ATP6V1C2: variants seen among roughly 807,000 people sequenced by gnomAD.
ATP6V1C2 encodes the protein ATPase H+ transporting V1 subunit C2, also known as V-type proton ATPase subunit C 2.
ATP6V1C2 carries 45 observed loss-of-function variants against 56.8 expected under a neutral mutation model. The observed-to-expected ratio is 0.79, with a 90% confidence interval of 0.62 to 1.02. The LOEUF (loss-of-function observed/expected upper bound fraction) is 1.02. Ranked by LOEUF, ATP6V1C2 falls within the 50% of genes least tolerant of loss-of-function variation. ATP6V1C2 has a pLI of 0.00. For missense variants in ATP6V1C2, 463 were observed against 519.7 expected, an observed-to-expected ratio of 0.89 and a Z score of 1.06; for synonymous variants, 220 against 201.3, an observed-to-expected ratio of 1.09 and a Z score of -0.79.
chr2:10,759,359 A>G (rs918370337), intron 4 of ATP6V1C2, among the ~76,000 whole-genome samples: 1 of 152,192 alleles, frequency 6.6e-6, no homozygotes, highest in African/African-American at 2.4e-5. Context: ...ATGCCCACAG[A>G]AGACAGAAAC....
chr2:10,757,003 C>CTTT (rs57191070), intron 4 of ATP6V1C2, among the ~76,000 whole-genome samples: 19 of 81,576 alleles, frequency 2.3e-4, no homozygotes, highest in Non-Finnish European at 3.3e-4. Context: ...CATGAGGAGA[C>CTTT]TTTTTTTTTT....
chr2:10,781,205 A>G (rs1012556460), intron 12 of ATP6V1C2, among the ~76,000 whole-genome samples: 3 of 152,188 alleles, frequency 2.0e-5, no homozygotes, highest in Non-Finnish European at 2.9e-5. Flanking sequence ...CACAGCGAGC[A>G]CAACAGAGGC....
intron 2 of ATP6V1C2, among the ~76,000 whole-genome samples, chr2:10,724,544 G>A (rs1661534545): frequency 6.6e-6 from 1 of 152,108 alleles, no homozygotes; most frequent in Non-Finnish European, 1.5e-5. Flanking sequence ...GAGGCACTGT[G>A]CTGGACTCTG....
intron 4 of ATP6V1C2, among the ~76,000 whole-genome samples, chr2:10,761,626 C>T (rs1047441908): frequency 1.3e-5 from 2 of 152,188 alleles, no homozygotes; most frequent in African/African-American, 4.8e-5. Flanking sequence ...GATCAGACAA[C>T]CTGGTTTCTC....
At chr2:10,753,454 C>G (rs375624165) in intron 3 of ATP6V1C2, among the ~76,000 whole-genome samples, 10 of 152,168 alleles carry the variant, frequency 6.6e-5, no homozygotes, top group African/African-American at 2.4e-4. Flanking sequence ...TCGTTTTATT[C>G]AGAAAGCTTT....
chr2:10,743,914 G>A (rs1047155435), intron 3 of ATP6V1C2, among the ~76,000 whole-genome samples: 3 of 151,792 alleles, frequency 2.0e-5, no homozygotes, highest in Admixed American at 6.6e-5. Context: ...GAACCCGGAG[G>A]CGGAGGTTGC....
At chr2:10,769,030 G>T (rs1468398581) in intron 6 of ATP6V1C2, among the ~76,000 whole-genome samples, 1 of 152,162 alleles carries the variant, frequency 6.6e-6, no homozygotes, top group Non-Finnish European at 1.5e-5. Flanking sequence ...GCCCAGGGAA[G>T]AGGATGTGGC....
intron 3 of ATP6V1C2, among the ~76,000 whole-genome samples, chr2:10,744,659 TTC>T (rs1491587148): frequency 1.3e-5 from 2 of 149,182 alleles, no homozygotes; most frequent in Non-Finnish European, 3.0e-5. Flanking sequence ...GGGTTTTTTT[TTC>T]TCTTTTTCTT....
intron 10 of ATP6V1C2, among the ~76,000 whole-genome samples, 163 bp from the exon 11 acceptor site, chr2:10,777,422 C>T (rs897243505): frequency 2.0e-5 from 3 of 152,186 alleles, no homozygotes; most frequent in African/African-American, 7.2e-5. Context: ...TCCAGGAGCC[C>T]GGTGGGCACC....
chr2:10,771,863 G>C lies in ATP6V1C2; in HGVS notation c.495G>C (p.Leu165=). The change falls in exon 7 of 14, where the codon CTG becomes CTC. Residue 165 remains leucine, a synonymous_variant. Coordinates refer to ENST00000272238, the MANE Select transcript of ATP6V1C2 (RefSeq NM_001039362.2). ...KSMGNLFTRT[L]SDIVSKEDFV... is the part of the protein sequence containing the mutation. ...GGGGGAACCTCTTCACCCGGACACT[G>C]AGTGATATTGTGAGCAAAGAGGACT... 6.2e-7 allele frequency: 1 copy of C among 1,614,122 alleles called. No individual in the cohort carries two copies. The highest frequency in any genetic ancestry group is 1.1e-5 in the South Asian group (1 of 91,074).
At chr2:10,781,857 A>G (rs1022383428) in intron 12 of ATP6V1C2, among the ~76,000 whole-genome samples, 1 of 152,244 alleles carries the variant, frequency 6.6e-6, no homozygotes, top group Non-Finnish European at 1.5e-5. Flanking sequence ...AATAGTAACA[A>G]TCTTGATAAA....
Position 10,766,997 on chromosome 2 carries a change from G to A in ATP6V1C2, c.379-1722G>A, listed in dbSNP as rs954432114. ...CTGTGTACTATTTTTGCAACGTCCT[G>A]TGAATCTATAATCATTTCAAAATTA... On this transcript the variant is annotated intron_variant, in intron 5 of 13. Coordinates refer to ENST00000272238, the MANE Select transcript of ATP6V1C2 (RefSeq NM_001039362.2). Among the ~76,000 whole-genome samples, 4 of 151,884 alleles carry A rather than the reference G, an allele frequency of 2.6e-5. 1 individual carries two copies. Among genetic ancestry groups the A allele is most frequent in the African/African-American group, 9.7e-5 (4 of 41,300 alleles).
intron 6 of ATP6V1C2, chr2:10,770,050 G>A (rs1390539764): frequency 6.6e-6 from 1 of 152,124 alleles, no homozygotes; most frequent in Non-Finnish European, 1.5e-5. Context: ...TGGGCCAGCT[G>A]TCTTCCTGTG....
At chr2:10,772,880 G>A (rs1444559852) in intron 8 of ATP6V1C2, among the ~76,000 whole-genome samples, 1 of 152,214 alleles carries the variant, frequency 6.6e-6, no homozygotes, top group Non-Finnish European at 1.5e-5. Context: ...CCACGCCGTT[G>A]CCTCTGCTGC....
intron 3 of ATP6V1C2, among the ~76,000 whole-genome samples, chr2:10,742,035 G>T (rs1009833580): frequency 1.3e-5 from 2 of 151,880 alleles, no homozygotes; most frequent in Non-Finnish European, 1.5e-5. Flanking sequence ...TCAGCCTCCC[G>T]AGTAGCTGGG....
At position 10,741,210 on chromosome 2, in the gene ATP6V1C2, T is replaced by C. The variant is rs369091715; in HGVS notation, c.198-12771T>C. Among the ~76,000 whole-genome samples, 6 of 152,268 alleles carry C rather than the reference T, an allele frequency of 3.9e-5. No individual in the cohort carries two copies. In the East Asian group the frequency reaches 9.6e-4, roughly 24 times the overall value. On this transcript the variant is annotated intron_variant, in intron 3 of 13. Coordinates refer to ENST00000272238, the MANE Select transcript of ATP6V1C2 (RefSeq NM_001039362.2). ...TGAAGCCAAGTTGGAATTTAAAGCA[T>C]GGTGTGTCTGTGTCCAGAGTCCCCA...
At chr2:10,744,055 G>A (rs1260696834) in intron 3 of ATP6V1C2, 2 of 151,996 alleles carry the variant, frequency 1.3e-5, no homozygotes, top group Non-Finnish European at 2.9e-5. Flanking sequence ...GGTGGTGTGT[G>A]CCTGCAGTCC....
intron 3 of ATP6V1C2, among the ~76,000 whole-genome samples, chr2:10,740,944 C>T (rs938433829): frequency 3.3e-5 from 5 of 152,244 alleles, no homozygotes; most frequent in African/African-American, 1.2e-4. Flanking sequence ...GCCTTGGCCT[C>T]CCAAAGTGCT....
At position 10,744,669 on chromosome 2, in the gene ATP6V1C2, C is replaced by CTTTT. The variant is rs772851204; in HGVS notation, c.198-9297_198-9294dup. Among the ~76,000 whole-genome samples, 22 of 125,546 alleles carry CTTTT rather than the reference C, an allele frequency of 1.8e-4. 1 individual carries two copies. Among genetic ancestry groups the CTTTT allele is most frequent in the Admixed American group, 2.6e-4 (3 of 11,386 alleles). The allele number at this position is 125,546 out of a possible 152,430, so 82.4% of individuals were successfully genotyped here. A position where few individuals can be genotyped will look rare whatever the true frequency, so the allele number is the denominator to read the frequency against. On this transcript the variant is annotated intron_variant, in intron 3 of 13. Coordinates refer to ENST00000272238, the MANE Select transcript of ATP6V1C2 (RefSeq NM_001039362.2). ...TTGATGGGTTTTTTTTTCTCTTTTT[C>CTTTT]TTTTTTTTTTTTTTTTTTGAGACAG...
Sources: gnomAD v4.1 joint callset for allele counts (sites outside exome capture counted in the v4.1 genomes callset) on GRCh38, gnomAD v4.1.1 for gene constraint, MANE v1.5 for transcripts, NCBI Gene and HGNC (gene_info 2026-07-23, HGNC 2026-07-21) for gene names.